ANXA6: variants seen among roughly 807,000 people sequenced by gnomAD.
The protein encoded by ANXA6 is 67 kDa calelectrin.
A neutral mutation model predicts 95.4 loss-of-function variants in ANXA6; 71 were observed. The ratio of observed to expected loss-of-function variants is 0.74; its 90% CI spans 0.61 to 0.91. The LOEUF (loss-of-function observed/expected upper bound fraction) is 0.91, where lower values mean the gene tolerates loss of function less well. ANXA6 is among the 40% of genes least tolerant of loss of function. The probability of loss-of-function intolerance (pLI) is 0.00; values close to 1 mark genes in which losing one functional copy is unlikely to be tolerated. For synonymous variants in ANXA6, 289 were observed against 315.9 expected (o/e 0.91, Z 0.90); for missense variants, 830 against 876.4 (o/e 0.95, Z 0.67).
At chr5:151,121,535 T>C (rs1765168480) in intron 17 of ANXA6, among the ~76,000 whole-genome samples, 1 of 152,216 alleles carries the variant, frequency 6.6e-6, no homozygotes, top group Non-Finnish European at 1.5e-5. Context: ...GTGACCTTGA[T>C]TGACCTGTCC....
At chr5:151,141,703 T>A (rs1336685476) in intron 2 of ANXA6, 1 of 985,318 alleles carries the variant, frequency 1.0e-6, no homozygotes. Flanking sequence ...CGGCGTGGAG[T>A]TACTATTTAA....
intron 1 of ANXA6, 45 bp from the exon 2 acceptor site, chr5:151,147,971 C>A (rs41290573): frequency 0.058 from 88,995 of 1,533,542 alleles, 3,007 homozygotes; most frequent in Middle Eastern, 0.066. Flanking sequence ...CCAACTCTAA[C>A]CATCCCCTTT....
chr5:151,147,991 A>G (rs961174833), intron 1 of ANXA6, 65 bp from the exon 2 acceptor site: 5 of 1,463,352 alleles, frequency 3.4e-6, no homozygotes, highest in Non-Finnish European at 4.7e-6. Context: ...TCTTTCCCTT[A>G]CATTTCCTCC....
At chr5:151,139,946 C>G (rs1000099685) in intron 3 of ANXA6, among the ~76,000 whole-genome samples, 1 of 152,174 alleles carries the variant, frequency 6.6e-6, no homozygotes, top group Non-Finnish European at 1.5e-5. Flanking sequence ...GGTGGTAAAT[C>G]TATGGGTGAA....
chr5:151,129,979 C>T (rs944186641), intron 11 of ANXA6, among the ~76,000 whole-genome samples: 2 of 152,152 alleles, frequency 1.3e-5, no homozygotes, highest in Non-Finnish European at 2.9e-5. Context: ...TACGATTACA[C>T]ACATGAGCCA....
At chr5:151,109,323 T>C (rs1029578414) in intron 22 of ANXA6, among the ~76,000 whole-genome samples, 1 of 152,180 alleles carries the variant, frequency 6.6e-6, no homozygotes, top group Non-Finnish European at 1.5e-5. Context: ...CATACAGGTG[T>C]GCCCTGAGCA....
At chr5:151,127,937 G>C (rs930821623) in intron 13 of ANXA6, among the ~76,000 whole-genome samples, 4 of 152,126 alleles carry the variant, frequency 2.6e-5, no homozygotes, top group African/African-American at 9.7e-5. Context: ...GACTTTCCAA[G>C]TTCACAAGAG....
rs980447011 is a variant in ANXA6, at chr5:151,109,663, C to T, written c.1684+90G>A. On this transcript the variant is annotated intron_variant, in intron 22 of 25. Coordinates refer to ENST00000354546, the MANE Select transcript of ANXA6 (RefSeq NM_001155.5). ...GGTTAAGGAGGAGGTGGGTGGGCAA[C>T]GGGCTCCTCTTGCCACAGAGAGCTG... 53 of 1,049,882 alleles carry T rather than the reference C, an allele frequency of 5.0e-5. 1 individual carries two copies. The highest frequency in any genetic ancestry group is 3.0e-4 in the African/African-American group (19 of 63,176). 65.0% of individuals were successfully genotyped at this position (1,049,882 alleles called of 1,614,324 possible). A position where few individuals can be genotyped will look rare whatever the true frequency, so the allele number is the denominator to read the frequency against.
At position 151,102,533 on chromosome 5, in the gene ANXA6, G is replaced by C. The variant is rs535494351; in HGVS notation, c.1963-1026C>G. Among the ~76,000 whole-genome samples the C allele has an allele frequency of 1.5e-3, 230 of 152,234 alleles. 1 individual carries two copies. The highest frequency in any genetic ancestry group is 5.4e-3 in the African/African-American group (224 of 41,528). Reference sequence around the variant, plus strand: ...AGCCTGGCCAACACAGTGAAACCCTGTCTGTACTAAAAATACAAAAATTAG... The same window carrying C: ...AGCCTGGCCAACACAGTGAAACCCTCTCTGTACTAAAAATACAAAAATTAG... On this transcript the variant is annotated intron_variant, in intron 25 of 25. Transcript: ENST00000354546.
rs62379671 is a variant in ANXA6 at position 151,137,168 on chromosome 5, A to C, written c.409+63T>G. 3.3e-3 allele frequency: 4,509 copies of C among 1,385,960 alleles called. 9 individuals are homozygous for C. Among genetic ancestry groups the C allele is most frequent in the Non-Finnish European group, 4.0e-3 (3,889 of 981,688 alleles). The allele number at this position is 1,385,960 out of a possible 1,614,324, so 85.9% of individuals were successfully genotyped here. On this transcript the variant is annotated intron_variant, in intron 6 of 25. Coordinates refer to ENST00000354546, the MANE Select transcript of ANXA6 (RefSeq NM_001155.5). ...AGATGGCTAGAATCTTAGTGTCCCC[A>C]CTGTTGCAATCATCCTCATTTTGTA...
At chr5:151,135,696 G>A (rs966804064) in intron 7 of ANXA6, among the ~76,000 whole-genome samples, 1 of 152,162 alleles carries the variant, frequency 6.6e-6, no homozygotes, top group African/African-American at 2.4e-5. Flanking sequence ...TGCTGCTACC[G>A]CAACTTTCAA....
intron 21 of ANXA6, 41 bp downstream of exon 21, chr5:151,110,586 T>G (rs755099063): frequency 1.2e-6 from 2 of 1,610,386 alleles, no homozygotes; most frequent in Non-Finnish European, 1.7e-6. Context: ...CGGACTTTAC[T>G]CAGAGGCCGT....
At chr5:151,136,406 G>A (rs1765664317) in intron 6 of ANXA6, 71 bp from the exon 7 acceptor site, 6 of 1,426,718 alleles carry the variant, frequency 4.2e-6, no homozygotes, top group African/African-American at 1.4e-5. Flanking sequence ...GGGCCCTGCT[G>A]CCCCCAAAAT....
chr5:151,103,538 G>A (rs368542487), intron 25 of ANXA6, 32 bp downstream of exon 25: 14 of 1,590,082 alleles, frequency 8.8e-6, no homozygotes, highest in South Asian at 8.0e-5. Flanking sequence ...ACACTCACCC[G>A]CTTCCTGCTA....
chr5:151,131,238 G>A lies in ANXA6; in HGVS notation c.788C>T (p.Ala263Val), dbSNP rs776401657. The stretch of plus-strand genomic sequence containing the variant: ...ATCAGCCCCACCACGCACCTTCATA[G>A]CCTTGAAGAGCCTTTCAGCAAAATA... ...PEYFAERLFK[A>V]MKGLGTRDNT... The change falls in exon 11 of 26, where the codon GCT (alanine) becomes GTT (valine). Residue 263 changes from alanine (A) to valine (V), a missense_variant. Physicochemically the swap from Ala to Val is moderately conservative, Grantham distance 64. Coordinates refer to ENST00000354546, the MANE Select transcript of ANXA6 (RefSeq NM_001155.5). The A allele has an allele frequency of 6.2e-7, 1 of 1,613,860 alleles. No individual in the cohort carries two copies. The highest frequency in any genetic ancestry group is 2.2e-5 in the East Asian group (1 of 44,892).
intron 20 of ANXA6, among the ~76,000 whole-genome samples, chr5:151,115,111 A>G (rs1764961570): frequency 2.0e-5 from 3 of 152,264 alleles, no homozygotes; most frequent in Admixed American, 2.0e-4. Flanking sequence ...ATGGAACAGT[A>G]TATAGCCATT....
At chr5:151,141,390 C>T (rs1050270144) in intron 2 of ANXA6, 1 of 555,642 alleles carries the variant, frequency 1.8e-6, no homozygotes, top group Admixed American at 6.4e-5. Context: ...CAGACAAGCA[C>T]ATCAATTACT....
chr5:151,120,443 G>A (rs927472024), intron 17 of ANXA6, among the ~76,000 whole-genome samples: 2 of 150,848 alleles, frequency 1.3e-5, no homozygotes, highest in African/African-American at 4.9e-5. Context: ...AAGTCCGGGC[G>A]TGGTGGCTCA....
At chr5:151,149,827 A>G (rs1766065130) in intron 1 of ANXA6, among the ~76,000 whole-genome samples, 1 of 152,206 alleles carries the variant, frequency 6.6e-6, no homozygotes, top group Non-Finnish European at 1.5e-5. Flanking sequence ...TTAAAAGTGA[A>G]CATAACAGAG....
Sources: gnomAD v4.1 joint callset for allele counts (sites outside exome capture counted in the v4.1 genomes callset) on GRCh38, gnomAD v4.1.1 for gene constraint, MANE v1.5 for transcripts, NCBI Gene and HGNC (gene_info 2026-07-23, HGNC 2026-07-21) for gene names.